Variants in DDX47 observed in about 807,000 individuals in gnomAD.
DDX47 encodes the protein probable ATP-dependent RNA helicase DDX47.
In DDX47, 60 loss-of-function variants were observed where a neutral mutation model predicts 58.8. The ratio of observed to expected loss-of-function variants is 1.02; its 90% CI spans 0.83 to 1.26. DDX47 has a LOEUF of 1.26. Ranked by LOEUF, DDX47 falls within the 50% of genes most tolerant of loss-of-function variation. The probability of loss-of-function intolerance (pLI) is 0.00; values close to 1 mark genes in which losing one functional copy is unlikely to be tolerated. For synonymous variants in DDX47, 197 were observed against 204.6 expected, an observed-to-expected ratio of 0.96 and a Z score of 0.32; for missense variants, 530 against 573.2, an observed-to-expected ratio of 0.92 and a Z score of 0.77.
At position 12,822,748 on chromosome 12, in the gene DDX47, A is replaced by G. The variant is rs565041433; in HGVS notation, c.633+16A>G. On this transcript the variant is annotated intron_variant, in intron 6 of 11. Transcript: ENST00000358007. ...GACCAAGAAGGTGAAATTTGCTAGG[A>G]CTTTTGTTTCTTCTTTATGAGAATT... The G allele has an allele frequency of 1.1e-5, 17 of 1,605,876 alleles. No individual in the cohort carries two copies. Among genetic ancestry groups the G allele is most frequent in the Middle Eastern group, 3.3e-4 (2 of 6,044 alleles).
At chr12:12,817,651 G>C (rs1862915702) in intron 2 of DDX47, among the ~76,000 whole-genome samples, 2 of 152,174 alleles carry the variant, frequency 1.3e-5, no homozygotes, top group Admixed American at 1.3e-4. Flanking sequence ...CCAGCAATGT[G>C]GCAGGTCTAT....
At chr12:12,828,794 T>C (rs901160107) in intron 11 of DDX47, among the ~76,000 whole-genome samples, 6 of 152,364 alleles carry the variant, frequency 3.9e-5, no homozygotes, top group African/African-American at 1.4e-4. Context: ...TATTTTTCTT[T>C]CTTTAGCCAT....
At chr12:12,820,799 C>T in intron 2 of DDX47, 1 of 204,306 alleles carries the variant, frequency 4.9e-6, no homozygotes, top group Non-Finnish European at 9.9e-6. Context: ...CCATGCCCAG[C>T]CAGCATGCTA....
At position 12,824,392 on chromosome 12, in the gene DDX47, C is replaced by T. The variant is rs367869017; in HGVS notation, c.898-148C>T. Reference sequence around the variant, plus strand: ...TTAATTTTTTGTTGCTTCCATATTTCTGTTTTGACCTGTGAAGCCCCATTC... The same window carrying T: ...TTAATTTTTTGTTGCTTCCATATTTTTGTTTTGACCTGTGAAGCCCCATTC... On this transcript the variant is annotated intron_variant, in intron 8 of 11. Transcript: ENST00000358007. 5.1e-4 allele frequency: 378 copies of T among 738,766 alleles called. 8 individuals carry two copies. The African/African-American group carries it at 6.3e-3, about 12-fold the overall frequency. 45.8% of individuals were successfully genotyped at this position (738,766 alleles called of 1,614,324 possible).
rs774303230 is a variant in DDX47 at position 12,821,301 on chromosome 12, G to A, written c.275G>A (p.Arg92His). ...ILNALLETPQ[R>H]LFALVLTPTR... ...AACGCACTGCTGGAGACCCCGCAGC[G>A]TTTGTTTGCCCTAGTTCTTACCCCG... The change falls in exon 3 of 12, where the codon CGT becomes CAT. Residue 92 changes from arginine to histidine, a missense_variant. Coordinates refer to ENST00000358007, the MANE Select transcript of DDX47 (RefSeq NM_016355.4). 20 of 1,614,172 alleles carry A rather than the reference G, an allele frequency of 1.2e-5. No individual in the cohort carries two copies. Among genetic ancestry groups the A allele is most frequent in the Admixed American group, 3.3e-5 (2 of 60,016 alleles).
intron 10 of DDX47, chr12:12,826,382 C>A: frequency 5.4e-6 from 1 of 185,128 alleles, no homozygotes. Flanking sequence ...TTTAAAGAAA[C>A]AAATTTTTAT....
intron 11 of DDX47, 113 bp downstream of exon 11, chr12:12,827,488 A>T: frequency 4.7e-6 from 6 of 1,274,760 alleles, no homozygotes; most frequent in Middle Eastern, 1.9e-4. Flanking sequence ...TTTTATTCCA[A>T]ATTTAAGACG....
intron 9 of DDX47, 123 bp downstream of exon 9, chr12:12,824,800 A>G (rs1863026331): frequency 9.4e-7 from 1 of 1,069,512 alleles, no homozygotes; most frequent in Non-Finnish European, 1.4e-6. Context: ...AAAAAACAAG[A>G]AAGCCCTTGG....
At chr12:12,814,374 T>G in intron 2 of DDX47, 150 bp downstream of exon 2, 2 of 611,420 alleles carry the variant, frequency 3.3e-6, no homozygotes, top group Non-Finnish European at 5.9e-6. Context: ...AATGTCATTC[T>G]CCAATTTTAC....
rs905132858 is a variant in DDX47, at chr12:12,827,367, G to A, written c.1228G>A (p.Ala410Thr). ...TERVAEAQRF[A>T]RMELREHGEK... is the part of the protein sequence containing the mutation. ...ACGCGTCGCTGAAGCCCAAAGGTTT[G>A]CCCGAATGGTATGCATCTTTCTTTT... The change falls in exon 11 of 12, where the codon GCC becomes ACC. Residue 410 changes from alanine (A) to threonine (T), a missense_variant. Coordinates refer to ENST00000358007, the MANE Select transcript of DDX47 (RefSeq NM_016355.4). The A allele has an allele frequency of 6.2e-7, 1 of 1,614,118 alleles. No homozygotes were observed. Among genetic ancestry groups the A allele is most frequent in the Admixed American group, 1.7e-5 (1 of 59,992 alleles).
chr12:12,827,259 C>T lies in DDX47; in HGVS notation c.1120C>T (p.Leu374Phe). Residue 374 changes from leucine (L) to phenylalanine (F), a missense_variant, in exon 11 of 12, where the codon CTC (leucine) becomes TTC (phenylalanine). Physicochemically the swap from Leu to Phe is conservative, Grantham distance 22 (BLOSUM62 0). Transcript: ENST00000358007. ...ITFVTQYDVE[L>F]FQRIEHLIGK... ...TTCCTTCCTCAGGTATGATGTGGAA[C>T]TCTTCCAGCGCATAGAACACTTAAT... The T allele has an allele frequency of 6.2e-7, 1 of 1,614,040 alleles. No homozygotes were observed. The highest frequency in any genetic ancestry group is 8.5e-7 in the Non-Finnish European group (1 of 1,179,986).
intron 2 of DDX47, 123 bp from the exon 3 acceptor site, chr12:12,821,085 C>T (rs1252707341): frequency 1.0e-6 from 1 of 997,432 alleles, no homozygotes; most frequent in African/African-American, 1.6e-5. Context: ...TTCAACTTTC[C>T]TCTCTCCCCA....
chr12:12,813,561 C>A, intron 1 of DDX47, 107 bp downstream of exon 1: 1 of 1,069,220 alleles, frequency 9.4e-7, no homozygotes, highest in South Asian at 1.4e-5. Context: ...CATCTTGGGG[C>A]CTAGCTTGGG....
intron 11 of DDX47, among the ~76,000 whole-genome samples, chr12:12,828,039 A>G (rs1197570854): frequency 6.6e-6 from 1 of 151,684 alleles, no homozygotes; most frequent in Non-Finnish European, 1.5e-5. Flanking sequence ...CTAATTTTGT[A>G]TTTTTAGTAG....
At chr12:12,824,155 GT>G in intron 8 of DDX47, 139 bp downstream of exon 8, 1 of 1,079,120 alleles carries the variant, frequency 9.3e-7, no homozygotes, top group Non-Finnish European at 1.3e-6. Flanking sequence ...GCTTTGAAGT[GT>G]TGCTCTAGAT....
rs1051374 is a variant in DDX47, at chr12:12,814,193, C to T, written c.150C>T (p.Ile50=). Residue 50 remains isoleucine (I), a synonymous_variant, in exon 2 of 12, where the codon ATC becomes ATT. Transcript: ENST00000358007. ...TGGGATGGACAAAACCCACCAAGAT[C>T]CAGATTGAAGCTATTCCTTTGGCCT... is the stretch of plus-strand genomic sequence containing the variant. The part of the protein sequence containing the change: ...DQLGWTKPTK[I]QIEAIPLALQ... 480,579 of 1,610,054 alleles carry T rather than the reference C, an allele frequency of 0.3. 75,206 individuals are homozygous for T. Among genetic ancestry groups the T allele is most frequent in the East Asian group, 0.54 (24,381 of 44,840 alleles).
intron 2 of DDX47, among the ~76,000 whole-genome samples, chr12:12,815,766 C>T (rs577508658): frequency 2.8e-4 from 42 of 152,028 alleles, no homozygotes; most frequent in African/African-American, 8.9e-4. Context: ...TGATTGGGGC[C>T]GGATTATGAA....
intron 8 of DDX47, chr12:12,824,325 T>C: frequency 1.8e-6 from 1 of 571,028 alleles, no homozygotes. Flanking sequence ...GTTACCTTTC[T>C]ATCGTGTCAA....
At chr12:12,818,413 C>T (rs1438366377) in intron 2 of DDX47, among the ~76,000 whole-genome samples, 4 of 151,868 alleles carry the variant, frequency 2.6e-5, no homozygotes, top group Admixed American at 1.3e-4. Context: ...CCCAGCTACT[C>T]GGGAGGCTGA....
Sources: gnomAD v4.1 joint callset for allele counts (sites outside exome capture counted in the v4.1 genomes callset) on GRCh38, gnomAD v4.1.1 for gene constraint, MANE v1.5 for transcripts, NCBI Gene and HGNC (gene_info 2026-07-23, HGNC 2026-07-21) for gene names.